TEX15: variants seen among roughly 807,000 people sequenced by gnomAD.
The protein encoded by TEX15 is testis expressed 15, meiosis and synapsis associated.
A neutral mutation model predicts 237.3 loss-of-function variants in TEX15; 171 were observed. That is an observed-to-expected ratio of 0.72 (90% CI 0.64 to 0.82). The LOEUF (loss-of-function observed/expected upper bound fraction) is 0.82. TEX15 is among the 40% of genes least tolerant of loss of function. TEX15 has a pLI of 0.00. For missense variants in TEX15, 3,750 were observed against 3,646.5 expected, an observed-to-expected ratio of 1.03 and a Z score of -0.73; for synonymous variants, 1,338 against 1,269.8, an observed-to-expected ratio of 1.05 and a Z score of -1.14.
In TEX15 at chr8:30,837,964, G is replaced by T; in HGVS notation, c.8320C>A (p.Gln2774Lys). The T allele has an allele frequency of 6.2e-7, 1 of 1,614,036 alleles. No homozygotes were observed. Among genetic ancestry groups the T allele is most frequent in the Non-Finnish European group, 8.5e-7 (1 of 1,179,976 alleles). The change falls in exon 10 of 11, where the codon CAA (glutamine) becomes AAA (lysine). Residue 2774 changes from glutamine (Q) to lysine (K), a missense_variant. Physicochemically the swap from Gln to Lys is moderately conservative, Grantham distance 53. Transcript: ENST00000643185. ...NHLTPKKVEMQRSLPGSLLPL... is the reference protein window; with the variant it reads ...NHLTPKKVEMKRSLPGSLLPL... ...AAAAGTGAGCCAGGTAGTGATCTTTGCATTTCAACCTTTTTTGGCGTTAAA... is the reference window on the plus strand; with the variant it reads ...AAAAGTGAGCCAGGTAGTGATCTTTTCATTTCAACCTTTTTTGGCGTTAAA...
At chr8:30,891,070 T>C (rs1209769157) in intron 2 of TEX15, among the ~76,000 whole-genome samples, 1 of 152,246 alleles carries the variant, frequency 6.6e-6, no homozygotes, top group Admixed American at 6.5e-5. Flanking sequence ...TAGTCTCATT[T>C]CTGAATCATT....
chr8:30,888,641 C>T (rs1480144921), intron 2 of TEX15: 29 of 1,289,446 alleles, frequency 2.2e-5, no homozygotes, highest in South Asian at 3.7e-5. Context: ...CGTACCATTT[C>T]GTAACATGGT....
intron 1 of TEX15, among the ~76,000 whole-genome samples, chr8:30,902,051 T>C (rs1809017230): frequency 6.6e-6 from 1 of 152,146 alleles, no homozygotes; most frequent in Non-Finnish European, 1.5e-5. Context: ...GCAATGCAAA[T>C]CCTCTGGCTT....
intron 3 of TEX15, among the ~76,000 whole-genome samples, chr8:30,881,626 A>ATTTTTTTTTT (rs755911484): frequency 5.2e-5 from 4 of 76,222 alleles, no homozygotes; most frequent in African/African-American, 1.1e-4. Flanking sequence ...ATTTTTTTTT[A>ATTTTTTTTTT]TTATTTTTTT....
At chr8:30,860,953 CAAT>C (rs1365425378) in intron 5 of TEX15, among the ~76,000 whole-genome samples, 2 of 150,690 alleles carry the variant, frequency 1.3e-5, no homozygotes. Context: ...TAGCAATTGA[CAAT>C]GATGGAACAG....
intron 10 of TEX15, among the ~76,000 whole-genome samples, chr8:30,834,012 C>A (rs1585275347): frequency 6.6e-6 from 1 of 152,078 alleles, no homozygotes; most frequent in Non-Finnish European, 1.5e-5. Flanking sequence ...GAAACAATTA[C>A]AATCAAGATT....
Position 30,849,665 on chromosome 8 carries a change from A to G in TEX15, c.851-349T>C, listed in dbSNP as rs539269306. Among the ~76,000 whole-genome samples the G allele has an allele frequency of 4.6e-5, 7 of 152,230 alleles. No individual in the cohort carries two copies. In the South Asian group the frequency reaches 1.0e-3, roughly 23 times the overall value. On this transcript the variant is annotated intron_variant, in intron 7 of 10. Coordinates refer to ENST00000643185, the MANE Select transcript of TEX15 (RefSeq NM_001350162.2). Reference sequence around the variant, plus strand: ...CGCTTATAATTCCATTACTTTGAGAAGCCAAGGTGGACAGATCATGAGGTC... The same window carrying G: ...CGCTTATAATTCCATTACTTTGAGAGGCCAAGGTGGACAGATCATGAGGTC...
At chr8:30,883,365 TTTTC>T (rs975931044) in intron 3 of TEX15, among the ~76,000 whole-genome samples, 7 of 138,330 alleles carry the variant, frequency 5.1e-5, no homozygotes, top group Non-Finnish European at 1.0e-4. Flanking sequence ...CTTCTCAGTA[TTTTC>T]TTTTTTTTTT....
intron 3 of TEX15, among the ~76,000 whole-genome samples, chr8:30,886,481 ACAAAG>A (rs1808648068): frequency 6.6e-6 from 1 of 152,222 alleles, no homozygotes; most frequent in Non-Finnish European, 1.5e-5. Context: ...ACTCATCACC[ACAAAG>A]CAAGGGTAGA....
In TEX15 at chr8:30,849,045, T is replaced by C; in HGVS notation, c.1122A>G (p.Val374=). The C allele has an allele frequency of 1.2e-6, 2 of 1,614,154 alleles. No individual in the cohort carries two copies. Among genetic ancestry groups the C allele is most frequent in the Non-Finnish European group, 1.7e-6 (2 of 1,180,020 alleles). ...SLAEIRDTSQ[V]LAHDSDISLM... is the part of the protein sequence containing the mutation. ...GTGAAATGTCTGAATCATGTGCAAG[T>C]ACTTGAGAAGTGTCTCTAATTTCTG... Residue 374 remains valine, a synonymous_variant, in exon 8 of 11, where the codon GTA becomes GTG. Transcript: ENST00000643185.
chr8:30,912,316 GT>G (rs1809239779), intron 1 of TEX15, among the ~76,000 whole-genome samples: 1 of 106,142 alleles, frequency 9.4e-6, no homozygotes, highest in Non-Finnish European at 1.9e-5. Flanking sequence ...CCGAGTTGCG[GT>G]CCCGGGGCGG....
At chr8:30,875,218 A>G in intron 3 of TEX15, 116 bp from the exon 4 acceptor site, 1 of 550,394 alleles carries the variant, frequency 1.8e-6, no homozygotes, top group East Asian at 3.5e-5. Flanking sequence ...TTTCATTAAC[A>G]ACATAAGGCA....
intron 2 of TEX15, among the ~76,000 whole-genome samples, chr8:30,889,954 C>CATATATATATATATATACGT: frequency 9.1e-6 from 1 of 110,070 alleles, no homozygotes; most frequent in African/African-American, 4.5e-5. Flanking sequence ...TATATATATA[C>CATATATATATATATATACGT]ATATATATAT....
Position 30,848,025 on chromosome 8 carries a change from A to T in TEX15, c.2142T>A (p.Thr714=), listed in dbSNP as rs767178477. The T allele has an allele frequency of 6.2e-7, 1 of 1,613,960 alleles. No individual in the cohort carries two copies. The change falls in exon 8 of 11, where the codon ACT becomes ACA. Residue 714 remains threonine (T), a synonymous_variant. Coordinates refer to ENST00000643185, the MANE Select transcript of TEX15 (RefSeq NM_001350162.2). ...TTTGTGACAGGCTCTCAAAACTTGG[A>T]GTAATTTGCCATTCCAATGCTAGAT... The part of the protein sequence containing the change: ...LDHLALEWQI[T]PSFESLSQKH...
chr8:30,839,399 T>C lies in TEX15; in HGVS notation c.8222+507A>G, dbSNP rs932180851. 4.6e-5 allele frequency among the ~76,000 whole-genome samples: 7 copies of C among 151,592 alleles called. No individual in the cohort carries two copies. The East Asian group carries it at 1.2e-3, about 25-fold the overall frequency. ...TAGGTTCTCATTAAAATGCCAGTTTTGAAATTTGCCATTCTTCAAAATGCA... is the reference window on the plus strand; with the variant it reads ...TAGGTTCTCATTAAAATGCCAGTTTCGAAATTTGCCATTCTTCAAAATGCA... On this transcript the variant is annotated intron_variant, in intron 9 of 10. Coordinates refer to ENST00000643185, the MANE Select transcript of TEX15 (RefSeq NM_001350162.2).
chr8:30,886,507 C>T (rs1342770229), intron 3 of TEX15, among the ~76,000 whole-genome samples: 1 of 152,206 alleles, frequency 6.6e-6, no homozygotes, highest in African/African-American at 2.4e-5. Context: ...TATCAACTGA[C>T]ATTGCAGGAG....
intron 1 of TEX15, among the ~76,000 whole-genome samples, chr8:30,909,125 A>G (rs1172524469): frequency 6.6e-6 from 1 of 152,148 alleles, no homozygotes; most frequent in Non-Finnish European, 1.5e-5. Context: ...TTTTAGATTT[A>G]TATCAGGACA....
In TEX15 at chr8:30,847,447, T is replaced by A. The variant is rs1311038846; in HGVS notation, c.2720A>T (p.Tyr907Phe). ...SNIDEKEDKN[Y>F]HNIEILSSEE... Reference sequence around the variant, plus strand: ...AGAACTCAAAATTTCTATATTGTGGTAATTTTTGTCCTCCTTTTCATCTAT... The same window carrying A: ...AGAACTCAAAATTTCTATATTGTGGAAATTTTTGTCCTCCTTTTCATCTAT... Residue 907 changes from tyrosine (Y) to phenylalanine (F), a missense_variant, in exon 8 of 11, where the codon TAC becomes TTC. Transcript: ENST00000643185. 5 of 1,611,144 alleles carry A rather than the reference T, an allele frequency of 3.1e-6. No homozygotes were observed. The highest frequency in any genetic ancestry group is 2.5e-6 in the Non-Finnish European group (3 of 1,179,372).
chr8:30,911,847 T>A (rs1384658724), intron 1 of TEX15, among the ~76,000 whole-genome samples: 3 of 151,870 alleles, frequency 2.0e-5, no homozygotes, highest in Non-Finnish European at 4.4e-5. Flanking sequence ...CCTGAAAGGA[T>A]CTGTGCAGGG....
Sources: allele counts gnomAD v4.1 joint callset (sites outside exome capture counted in the v4.1 genomes callset), GRCh38; gene constraint gnomAD v4.1.1; transcripts MANE v1.5; gene names NCBI Gene and HGNC (gene_info 2026-07-23, HGNC 2026-07-21).